The following GATAD2B variants were observed in gnomAD, a reference collection of about 807,000 sequenced individuals.
The protein encoded by GATAD2B is transcriptional repressor p66-beta.
A neutral mutation model predicts 64.3 loss-of-function variants in GATAD2B; 8 were observed. That is an observed-to-expected ratio of 0.12 (90% CI 0.07 to 0.22). The LOEUF is 0.22. GATAD2B is among the 10% of genes least tolerant of loss of function. The probability of loss-of-function intolerance (pLI) is 1.00; values close to 1 mark genes in which losing one functional copy is unlikely to be tolerated. For missense variants in GATAD2B, 453 were observed against 752.0 expected (o/e 0.60, Z 4.65); for synonymous variants, 281 against 271.3 (o/e 1.04, Z -0.35).
At chr1:153,846,557 CTTTTTTTTTTTT>C (rs887230575) in intron 1 of GATAD2B, among the ~76,000 whole-genome samples, 1 of 113,860 alleles carries the variant, frequency 8.8e-6, no homozygotes, top group Admixed American at 9.4e-5. Context: ...TCTTTGCGTT[CTTTTTTTTTTTT>C]TTTTTTTTTT....
At chr1:153,854,306 G>C (rs1414262007) in intron 1 of GATAD2B, among the ~76,000 whole-genome samples, 1 of 152,180 alleles carries the variant, frequency 6.6e-6, no homozygotes, top group African/African-American at 2.4e-5. Context: ...GGGAGGCTGA[G>C]AGAGGAGAAT....
chr1:153,844,304 A>G (rs78571619), intron 1 of GATAD2B, among the ~76,000 whole-genome samples: 4,588 of 152,100 alleles, frequency 0.03, 96 homozygotes, highest in Middle Eastern at 0.082. Flanking sequence ...GCCAGATTAG[A>G]AAAACTCAAT....
At chr1:153,825,810 A>G (rs947196624) in intron 2 of GATAD2B, among the ~76,000 whole-genome samples, 1 of 152,206 alleles carries the variant, frequency 6.6e-6, no homozygotes, top group Admixed American at 6.5e-5. Flanking sequence ...GTAAGTAGAC[A>G]TCAAAAGGTA....
intron 1 of GATAD2B, among the ~76,000 whole-genome samples, chr1:153,866,796 G>A (rs1416993019): frequency 6.6e-6 from 1 of 152,054 alleles, no homozygotes; most frequent in African/African-American, 2.4e-5. Flanking sequence ...GTTTTGTTTT[G>A]TTTTGAGACG....
chr1:153,878,259 C>A (rs1676897990), intron 1 of GATAD2B, among the ~76,000 whole-genome samples: 1 of 151,686 alleles, frequency 6.6e-6, no homozygotes, highest in Non-Finnish European at 1.5e-5. Context: ...GCCTCCCACC[C>A]CAGCCTCCCG....
At chr1:153,882,882 TG>T (rs1237000212) in intron 1 of GATAD2B, among the ~76,000 whole-genome samples, 1 of 152,188 alleles carries the variant, frequency 6.6e-6, no homozygotes, top group African/African-American at 2.4e-5. Flanking sequence ...AGTGCTGATA[TG>T]GGGTCAGAAA....
At chr1:153,871,061 GTGT>G (rs1676650658) in intron 1 of GATAD2B, among the ~76,000 whole-genome samples, 1 of 151,504 alleles carries the variant, frequency 6.6e-6, no homozygotes, top group African/African-American at 2.4e-5. Flanking sequence ...ACCACGCCTG[GTGT>G]TTTTTGTTTT....
At chr1:153,907,827 TGG>T (rs1247422965) in intron 1 of GATAD2B, among the ~76,000 whole-genome samples, 1 of 151,782 alleles carries the variant, frequency 6.6e-6, no homozygotes, top group African/African-American at 2.4e-5. Flanking sequence ...TTGTTTGAGA[TGG>T]AGTTTTGCTC....
Position 153,821,503 on chromosome 1 carries a change from G to A in GATAD2B, c.336-1768C>T, listed in dbSNP as rs149715624. Among the ~76,000 whole-genome samples, 6 of 152,286 alleles carry A rather than the reference G, an allele frequency of 3.9e-5. 1 individual carries two copies. The highest frequency in any genetic ancestry group is 6.8e-3 in the Middle Eastern group (2 of 294). ...GGTAGAAATACAGAAAAAGCCACTA[G>A]AGGGAGAAAAGAGCCTTTCATTCTC... On this transcript the variant is annotated intron_variant, in intron 2 of 10. Coordinates refer to ENST00000368655, the MANE Select transcript of GATAD2B (RefSeq NM_020699.4).
At chr1:153,917,412 T>C (rs1317114535) in intron 1 of GATAD2B, among the ~76,000 whole-genome samples, 1 of 149,346 alleles carries the variant, frequency 6.7e-6, no homozygotes, top group Non-Finnish European at 1.5e-5. Flanking sequence ...TTTTTTTTTT[T>C]GAAACTGAGT....
At chr1:153,917,870 G>T (rs150233232) in intron 1 of GATAD2B, among the ~76,000 whole-genome samples, 117 of 152,212 alleles carry the variant, frequency 7.7e-4, no homozygotes, top group African/African-American at 2.8e-3. Flanking sequence ...AAATAGAGCA[G>T]GCAAGGATAA....
At chr1:153,830,455 T>TTTTAC (rs140217985) in intron 1 of GATAD2B, among the ~76,000 whole-genome samples, 63 of 456 alleles carry the variant, frequency 0.14, no homozygotes, top group Non-Finnish European at 0.23. Context: ...CTGTTTTTAT[T>TTTTAC]TTTATTTTAT....
chr1:153,894,232 T>C (rs928475556), intron 1 of GATAD2B, among the ~76,000 whole-genome samples: 6 of 151,508 alleles, frequency 4.0e-5, no homozygotes, highest in African/African-American at 1.5e-4. Flanking sequence ...CTTTGGGAGG[T>C]TGAGGCGGGC....
chr1:153,814,559 G>A (rs1674391116), intron 7 of GATAD2B, among the ~76,000 whole-genome samples: 2 of 151,926 alleles, frequency 1.3e-5, no homozygotes, highest in South Asian at 4.1e-4. Context: ...GATCACTTGA[G>A]GCCAGGAGTT....
intron 1 of GATAD2B, among the ~76,000 whole-genome samples, chr1:153,859,958 C>T (rs1676224618): frequency 7.8e-6 from 1 of 128,896 alleles, no homozygotes; most frequent in Non-Finnish European, 1.6e-5. Flanking sequence ...TGCTCTGTTG[C>T]CCAGACTGGA....
At chr1:153,846,809 G>A (rs1675704367) in intron 1 of GATAD2B, among the ~76,000 whole-genome samples, 1 of 151,566 alleles carries the variant, frequency 6.6e-6, no homozygotes, top group Non-Finnish European at 1.5e-5. Flanking sequence ...TCCACCTGCT[G>A]CGGCCTCCCC....
chr1:153,832,053 A>G (rs1675094707), intron 1 of GATAD2B, among the ~76,000 whole-genome samples: 1 of 152,198 alleles, frequency 6.6e-6, no homozygotes. Flanking sequence ...CGTCTCTACT[A>G]AAAATACAAA....
In GATAD2B at chr1:153,817,519, A is replaced by G; in HGVS notation, c.753T>C (p.Ala251=). 6.2e-7 allele frequency: 1 copy of G among 1,604,626 alleles called. No homozygotes were observed. The highest frequency in any genetic ancestry group is 1.1e-5 in the South Asian group (1 of 89,270). ...ACATGTGTGGAAGGGTGGTATTGGT[A>G]GCTGAACGGATGACACTGTGACCCT... ...TLQGHSVIRS[A]TNTTLPHMLM... is the part of the protein sequence containing the mutation. The change falls in exon 6 of 11, where the codon GCT becomes GCC. Residue 251 remains alanine, a synonymous_variant. Transcript: ENST00000368655.
In GATAD2B at chr1:153,810,074, A is replaced by G. The variant is rs772924972; in HGVS notation, c.*103T>C. ...TGTTTTTCTGTTTTGCTTTCCGTGT[A>G]TGGTAGGCACCAGTACAGGCACTGC... is the stretch of plus-strand genomic sequence containing the variant. On this transcript the variant is annotated 3_prime_UTR_variant, in exon 11 of 11. Transcript: ENST00000368655. The G allele has an allele frequency of 1.7e-5, 19 of 1,137,712 alleles. No homozygotes were observed. Among genetic ancestry groups the G allele is most frequent in the Non-Finnish European group, 2.4e-5 (19 of 806,828 alleles). 70.5% of individuals were successfully genotyped at this position (1,137,712 alleles called of 1,614,324 possible).
Sources: gnomAD v4.1 joint callset for allele counts (sites outside exome capture counted in the v4.1 genomes callset) on GRCh38, gnomAD v4.1.1 for gene constraint, MANE v1.5 for transcripts, NCBI Gene and HGNC (gene_info 2026-07-23, HGNC 2026-07-21) for gene names.